Variants in SLC25A46 observed in about 807,000 individuals in gnomAD.
SLC25A46 encodes the protein mitochondrial outer membrane protein SLC25A46.
Under a neutral mutation model 44.6 loss-of-function variants are expected in SLC25A46, and 39 were observed. The ratio of observed to expected loss-of-function variants is 0.87; its 90% CI spans 0.68 to 1.14. The LOEUF (loss-of-function observed/expected upper bound fraction) is 1.14, where lower values mean the gene tolerates loss of function less well. Among genes scored for constraint, SLC25A46 ranks in the 50% most tolerant of loss-of-function variants. SLC25A46 has a pLI of 0.00. For missense variants in SLC25A46, 547 were observed against 522.7 expected (o/e 1.05, Z -0.45); for synonymous variants, 202 against 185.8 (o/e 1.09, Z -0.71).
At chr5:110,755,551 G>A in intron 6 of SLC25A46, 30 bp downstream of exon 6, 1 of 1,407,014 alleles carries the variant, frequency 7.1e-7, no homozygotes, top group African/African-American at 1.5e-5. Context: ...ATTTTTATTG[G>A]GCATTTTCAC....
chr5:110,738,943 C>A (rs186912891), upstream of SLC25A46: 3 of 1,430,736 alleles, frequency 2.1e-6, no homozygotes, highest in Admixed American at 8.7e-5. Context: ...TTAATGGTTG[C>A]CGGAAGAGGC....
chr5:110,738,946 G>A (rs868425088), upstream of SLC25A46: 2 of 1,432,180 alleles, frequency 1.4e-6, no homozygotes, highest in South Asian at 1.5e-5. Flanking sequence ...ATGGTTGCCG[G>A]AAGAGGCTAT....
chr5:110,764,620 G>C lies in SLC25A46; in HGVS notation c.*2838G>C, dbSNP rs1317176954. ...ACAAAGCATTCACTTTATTGATTGA[G>C]TACAAATGCTTTAGTGTTTCTACCT... On this transcript the variant is annotated 3_prime_UTR_variant, in exon 8 of 8. Transcript: ENST00000355943. 6.6e-6 allele frequency: 1 copy of C among 151,764 alleles called. No homozygotes were observed. Among genetic ancestry groups the C allele is most frequent in the African/African-American group, 2.4e-5 (1 of 41,368 alleles). The allele number at this position is 151,764 out of a possible 1,614,324, so 9.4% of individuals were successfully genotyped here.
rs751894988 is a variant in SLC25A46, at chr5:110,748,157, A to C, written c.463-6A>C. 1.2e-6 allele frequency: 2 copies of C among 1,609,262 alleles called. No individual in the cohort carries two copies. The highest frequency in any genetic ancestry group is 4.5e-5 in the East Asian group (2 of 44,816). ...ACAGAAATAACATGAATTTTGTTCA[A>C]TTTAGGGACCTAGAGCCCTGTGGAA... On this transcript the variant is annotated splice_region_variant and splice_polypyrimidine_tract_variant and intron_variant, in intron 4 of 7. Coordinates refer to ENST00000355943, the MANE Select transcript of SLC25A46 (RefSeq NM_138773.4).
intron 5 of SLC25A46, chr5:110,755,150 TTC>T: frequency 5.2e-6 from 1 of 190,752 alleles, no homozygotes. Flanking sequence ...TCCATATCTA[TTC>T]TCTTTCTTTT....
At chr5:110,738,861 C>G (rs1336346104), upstream of SLC25A46, 1 of 761,082 alleles carries the variant, frequency 1.3e-6, no homozygotes, top group Non-Finnish European at 2.0e-6. Flanking sequence ...AACCATATTC[C>G]CACCTATTCC....
chr5:110,742,503 A>C (rs1448163683), intron 2 of SLC25A46, among the ~76,000 whole-genome samples: 1 of 152,146 alleles, frequency 6.6e-6, no homozygotes, highest in Non-Finnish European at 1.5e-5. Flanking sequence ...ATGGCATTTA[A>C]TGATGCCATG....
At chr5:110,738,257 G>C (rs1249073221), upstream of SLC25A46, 2 of 1,286,294 alleles carry the variant, frequency 1.6e-6, no homozygotes, top group Non-Finnish European at 2.0e-6. Context: ...GGTAGTAGGG[G>C]ACGCTCTACA....
chr5:110,761,350 T>A lies in SLC25A46; in HGVS notation c.825T>A (p.His275Gln), dbSNP rs773925029. 4 of 1,613,818 alleles carry A rather than the reference T, an allele frequency of 2.5e-6. No homozygotes were observed. Among genetic ancestry groups the A allele is most frequent in the Non-Finnish European group, 3.4e-6 (4 of 1,179,818 alleles). ...IFPTVLHGVL[H>Q]YIISSVIQKF... is the part of the protein sequence containing the mutation. ...CTACGGTGCTTCATGGAGTTCTTCA[T>A]TACATCATCAGCTCAGTTATTCAGA... The change falls in exon 8 of 8, where the codon CAT becomes CAA. Residue 275 changes from histidine to glutamine, a missense_variant. By Grantham distance (24) the His-to-Gln change is conservative. Transcript: ENST00000355943. This position sits in a 1 kb window ranked among gnomAD's most constrained non-coding sequence, Gnocchi z 5.3.
intron 5 of SLC25A46, chr5:110,754,453 T>C (rs1268840187): frequency 6.6e-6 from 1 of 151,414 alleles, no homozygotes; most frequent in Admixed American, 6.6e-5. Context: ...TTTCTCTTGA[T>C]AGAACTTACT....
chr5:110,760,790 A>T (rs192679181), intron 7 of SLC25A46, among the ~76,000 whole-genome samples: 2 of 152,282 alleles, frequency 1.3e-5, no homozygotes, highest in East Asian at 3.9e-4. Context: ...GTAGAATGCG[A>T]AACTGTGCTT....
Position 110,746,287 on chromosome 5 carries a change from C to A in SLC25A46, c.403C>A (p.His135Asn). The change falls in exon 4 of 8, where the codon CAT becomes AAT. Residue 135 changes from histidine (H) to asparagine (N), a missense_variant. Coordinates refer to ENST00000355943, the MANE Select transcript of SLC25A46 (RefSeq NM_138773.4). ...RQCQVNYHAQ[H>N]YHLTPFTVIN... ...TTTACAGGTTAATTACCATGCTCAG[C>A]ATTACCATCTCACTCCATTTACAGT... 2 of 1,587,534 alleles carry A rather than the reference C, an allele frequency of 1.3e-6. No homozygotes were observed. The highest frequency in any genetic ancestry group is 1.7e-6 in the Non-Finnish European group (2 of 1,170,630).
At chr5:110,746,825 G>A (rs1268248480) in intron 4 of SLC25A46, among the ~76,000 whole-genome samples, 5 of 152,126 alleles carry the variant, frequency 3.3e-5, no homozygotes, top group South Asian at 2.1e-4. Flanking sequence ...TAAAGTAGAC[G>A]TGTGAAGGCA....
chr5:110,746,027 A>G (rs751103573), intron 3 of SLC25A46: 17 of 316,084 alleles, frequency 5.4e-5, no homozygotes, highest in Non-Finnish European at 9.7e-5. Context: ...TCTTTATTAT[A>G]TAGTCTACAG....
intron 5 of SLC25A46, among the ~76,000 whole-genome samples, chr5:110,751,168 GT>G (rs922388601): frequency 7.9e-5 from 12 of 152,064 alleles, no homozygotes; most frequent in Non-Finnish European, 4.4e-5. Flanking sequence ...GCCAGGTTCT[GT>G]GCTAAAAACC....
intron 5 of SLC25A46, chr5:110,753,881 T>C (rs890435442): frequency 7.9e-5 from 12 of 152,158 alleles, no homozygotes; most frequent in Admixed American, 7.9e-4. Flanking sequence ...TGGTAATACT[T>C]TGTGAGGCCA....
chr5:110,742,767 C>G (rs1463236141), intron 2 of SLC25A46, among the ~76,000 whole-genome samples: 1 of 151,970 alleles, frequency 6.6e-6, no homozygotes, highest in African/African-American at 2.4e-5. Flanking sequence ...AACATAGCAT[C>G]TAGATTTTGT....
chr5:110,763,228 C>T lies in SLC25A46; in HGVS notation c.*1446C>T, dbSNP rs1800304060. ...AGCGCTCTGAAGCACAGTGACTTTG[C>T]ACTGATATTGTCCAACCAAGAATGC... On this transcript the variant is annotated 3_prime_UTR_variant, in exon 8 of 8. Coordinates refer to ENST00000355943, the MANE Select transcript of SLC25A46 (RefSeq NM_138773.4). 6.6e-6 allele frequency: 1 copy of T among 151,896 alleles called. No homozygotes were observed. Among genetic ancestry groups the T allele is most frequent in the Non-Finnish European group, 1.5e-5 (1 of 67,892 alleles). 9.4% of individuals were successfully genotyped at this position (151,896 alleles called of 1,614,324 possible). A position where few individuals can be genotyped will look rare whatever the true frequency, so the allele number is the denominator to read the frequency against.
intron 6 of SLC25A46, 76 bp downstream of exon 6, chr5:110,755,597 A>T: frequency 1.1e-6 from 1 of 910,890 alleles, no homozygotes; most frequent in Non-Finnish European, 1.7e-6. Flanking sequence ...AACAAATCTT[A>T]TTAAATAACT....
Sources: gnomAD v4.1 joint callset for allele counts (sites outside exome capture counted in the v4.1 genomes callset) on GRCh38, gnomAD v4.1.1 for gene constraint, Gnocchi (gnomAD v3.1) non-coding constraint, MANE v1.5 for transcripts, NCBI Gene and HGNC (gene_info 2026-07-23, HGNC 2026-07-21) for gene names.